The following PCDHA9 variants were observed in gnomAD, a reference collection of about 807,000 sequenced individuals.
The protein encoded by PCDHA9 is protocadherin alpha-9.
PCDHA9 carries 62 observed loss-of-function variants against 62.0 expected under a neutral mutation model. The ratio of observed to expected loss-of-function variants is 1.00; its 90% CI spans 0.81 to 1.23. The LOEUF (loss-of-function observed/expected upper bound fraction) is 1.23. Ranked by LOEUF, PCDHA9 falls within the 50% of genes most tolerant of loss-of-function variation. The probability of loss-of-function intolerance (pLI) is 0.00; values close to 1 mark genes in which losing one functional copy is unlikely to be tolerated. For synonymous variants in PCDHA9, 557 were observed against 567.6 expected (o/e 0.98, Z 0.27); for missense variants, 1,205 against 1,249.8 (o/e 0.96, Z 0.54).
intron 1 of PCDHA9, chr5:140,857,488 C>T: frequency 6.3e-7 from 1 of 1,598,442 alleles, no homozygotes; most frequent in Non-Finnish European, 8.6e-7. Flanking sequence ...CTGCGTGGGA[C>T]GCGGACGCGC....
chr5:140,980,949 A>G (rs1187381167), intron 2 of PCDHA9, among the ~76,000 whole-genome samples: 1 of 152,182 alleles, frequency 6.6e-6, no homozygotes, highest in East Asian at 1.9e-4. Context: ...TGGCTCCAGG[A>G]TAGTTACACC....
At chr5:140,922,866 GA>G (rs557650266) in intron 1 of PCDHA9, among the ~76,000 whole-genome samples, 2 of 152,096 alleles carry the variant, frequency 1.3e-5, no homozygotes, top group Non-Finnish European at 2.9e-5. Flanking sequence ...TAGACAAGGG[GA>G]AAAAATCCAA....
intron 1 of PCDHA9, among the ~76,000 whole-genome samples, chr5:140,961,680 C>T (rs989401730): frequency 3.3e-5 from 5 of 152,040 alleles, no homozygotes; most frequent in African/African-American, 4.8e-5. Flanking sequence ...TTAATTAAGC[C>T]GGAGTAGTCC....
chr5:140,850,280 C>T lies in PCDHA9; in HGVS notation c.1785C>T (p.Arg595=). The part of the protein sequence containing the change: ...VGAGVVVGKV[R]AVDADSGYNA... ...CCGGCGTAGTGGTGGGGAAGGTGCG[C>T]GCAGTGGACGCCGACTCGGGCTACA... is the stretch of plus-strand genomic sequence containing the variant. The change falls in exon 1 of 4, where the codon CGC becomes CGT. Residue 595 remains arginine (R), a synonymous_variant. Coordinates refer to ENST00000532602, the MANE Select transcript of PCDHA9 (RefSeq NM_031857.2). The T allele has an allele frequency of 3.1e-6, 5 of 1,595,478 alleles. 1 individual carries two copies. Among genetic ancestry groups the T allele is most frequent in the Non-Finnish European group, 8.6e-7 (1 of 1,167,556 alleles).
chr5:140,871,140 C>A, intron 1 of PCDHA9: 1 of 1,613,454 alleles, frequency 6.2e-7, no homozygotes, highest in Non-Finnish European at 8.5e-7. Context: ...AGGCCTCTTC[C>A]CGGACTTTGG....
chr5:140,920,039 G>A (rs185914290), intron 1 of PCDHA9, among the ~76,000 whole-genome samples: 1 of 152,280 alleles, frequency 6.6e-6, no homozygotes, highest in Non-Finnish European at 1.5e-5. Flanking sequence ...TTGGAGTGAT[G>A]TCAACAGCCA....
At chr5:140,861,615 C>G (rs2046996028) in intron 1 of PCDHA9, 1 of 348,276 alleles carries the variant, frequency 2.9e-6, no homozygotes, top group African/African-American at 2.1e-5. Context: ...TAAAGACAAC[C>G]TGCCAGTGTT....
intron 1 of PCDHA9, chr5:140,870,708 C>G (rs781841032): frequency 1.8e-5 from 29 of 1,612,898 alleles, no homozygotes; most frequent in Non-Finnish European, 2.5e-5. Context: ...TCCAGGTGAG[C>G]GCGCGCGATG....
chr5:140,854,041 AG>A (rs2042955652), intron 1 of PCDHA9: 1 of 283,480 alleles, frequency 3.5e-6, no homozygotes, highest in Non-Finnish European at 5.5e-6. Flanking sequence ...ACACATCTCT[AG>A]TCCCAATTAC....
Position 140,850,464 on chromosome 5 carries a change from C to A in PCDHA9, c.1969C>A (p.Pro657Thr), listed in dbSNP as rs2041620287. Residue 657 changes from proline to threonine, a missense_variant, in exon 1 of 4, where the codon CCA (proline) becomes ACA (threonine). Pro to Thr is a conservative substitution (Grantham distance 38). Transcript: ENST00000532602. ...LLVLVKDHGEPALTATATVLV... is the reference protein window; with the variant it reads ...LLVLVKDHGETALTATATVLV... ...GGTGCTGGTGAAAGACCACGGGGAG[C>A]CAGCGCTGACGGCCACGGCCACTGT... 6.3e-7 allele frequency: 1 copy of A among 1,597,872 alleles called. No homozygotes were observed. Among genetic ancestry groups the A allele is most frequent in the Non-Finnish European group, 8.6e-7 (1 of 1,167,644 alleles).
At chr5:140,884,206 C>T (rs1554181328) in intron 1 of PCDHA9, 1 of 1,613,542 alleles carries the variant, frequency 6.2e-7, no homozygotes, top group Admixed American at 1.7e-5. Context: ...CGCACCACCG[C>T]CTTCTGGTGC....
intron 1 of PCDHA9, chr5:140,875,473 A>G (rs782269579): frequency 6.2e-6 from 10 of 1,606,342 alleles, no homozygotes; most frequent in Non-Finnish European, 8.5e-6. Flanking sequence ...ATTTTCTGCA[A>G]TGGTGATTAT....
intron 3 of PCDHA9, among the ~76,000 whole-genome samples, chr5:141,005,530 C>T (rs920110529): frequency 1.3e-5 from 2 of 151,002 alleles, no homozygotes; most frequent in Non-Finnish European, 3.0e-5. Context: ...GGTGAAACCC[C>T]GTCTCTACTA....
At chr5:140,888,189 T>C (rs1554183360) in intron 1 of PCDHA9, among the ~76,000 whole-genome samples, 2 of 152,344 alleles carry the variant, frequency 1.3e-5, no homozygotes. Flanking sequence ...TTGTGAATTT[T>C]ACATTGTCGG....
chr5:140,909,376 A>C (rs934172847), intron 1 of PCDHA9, among the ~76,000 whole-genome samples: 3 of 152,208 alleles, frequency 2.0e-5, no homozygotes, highest in Non-Finnish European at 4.4e-5. Context: ...AAGCAATGAA[A>C]CCACATCTAG....
intron 1 of PCDHA9, chr5:140,869,708 G>C: frequency 9.3e-6 from 15 of 1,613,408 alleles, no homozygotes; most frequent in Non-Finnish European, 1.3e-5. Flanking sequence ...TCTCTGGATA[G>C]AGAGAAAACT....
intron 1 of PCDHA9, among the ~76,000 whole-genome samples, chr5:140,889,628 TTTTC>T (rs2062304515): frequency 6.6e-6 from 1 of 152,186 alleles, no homozygotes; most frequent in African/African-American, 2.4e-5. Flanking sequence ...ATTTCTCTTC[TTTTC>T]ATTTGTGTTT....
At chr5:140,931,853 G>A (rs2087796602) in intron 1 of PCDHA9, among the ~76,000 whole-genome samples, 1 of 151,744 alleles carries the variant, frequency 6.6e-6, no homozygotes, top group African/African-American at 2.4e-5. Context: ...ATAACAACAG[G>A]ATTCTAGAAA....
intron 1 of PCDHA9, chr5:140,968,123 C>A: frequency 6.2e-7 from 1 of 1,614,178 alleles, no homozygotes; most frequent in Non-Finnish European, 8.5e-7. Context: ...CACATCCCTG[C>A]GTACACTGAA....
Sources: allele counts gnomAD v4.1 joint callset (sites outside exome capture counted in the v4.1 genomes callset), GRCh38; gene constraint gnomAD v4.1.1; transcripts MANE v1.5; gene names NCBI Gene and HGNC (gene_info 2026-07-23, HGNC 2026-07-21).